Variants in G6PD observed in about 807,000 individuals in gnomAD.
The protein encoded by G6PD is glucose-6-phosphate 1-dehydrogenase.
Under a neutral mutation model 38.2 loss-of-function variants are expected in G6PD, and 2 were observed. The ratio of observed to expected loss-of-function variants is 0.05; its 90% confidence interval spans 0.02 to 0.16. The LOEUF (loss-of-function observed/expected upper bound fraction) is 0.16, where lower values mean the gene tolerates loss of function less well. Among genes scored for constraint, G6PD ranks in the 10% least tolerant of loss-of-function variants. G6PD has a pLI of 1.00. For missense variants in G6PD, 310 were observed against 471.6 expected (o/e 0.66, Z 3.17); for synonymous variants, 188 against 196.0 (o/e 0.96, Z 0.34).
intron 2 of G6PD, among the ~76,000 whole-genome samples, chrX:154,541,931 C>A (rs1161398477): frequency 8.9e-6 from 1 of 112,325 alleles, no homozygotes; most frequent in Non-Finnish European, 1.9e-5. Context: ...CCAAGGGTCA[C>A]TGGGGTTAAG....
chrX:154,539,032 C>T (rs1393362561), intron 2 of G6PD, among the ~76,000 whole-genome samples: 1 of 111,713 alleles, frequency 9.0e-6, no homozygotes, highest in Non-Finnish European at 1.9e-5. Flanking sequence ...TTAATCATCC[C>T]TTTAAGCAAT....
chrX:154,533,716 C>T (rs1557230096), intron 7 of G6PD, 47 bp from the exon 8 acceptor site: 2 of 1,207,159 alleles, frequency 1.7e-6, no homozygotes, highest in Non-Finnish European at 2.2e-6. Context: ...CCGCCCTGTT[C>T]ACCTGGTTCA....
chrX:154,546,994 G>C (rs1360852860), upstream of G6PD: 1 of 240,892 alleles, frequency 4.2e-6, no homozygotes, highest in Non-Finnish European at 6.9e-6. Context: ...AGGTGCGCGC[G>C]CATCCCAGGC....
At chrX:154,533,984 C>T (rs1557230175) in intron 7 of G6PD, 51 bp downstream of exon 7, 1 of 1,210,353 alleles carries the variant, frequency 8.3e-7, no homozygotes, top group South Asian at 1.8e-5. Flanking sequence ...TGCAGGGTGA[C>T]TGGCTCTGCC....
At position 154,533,012 on chromosome X, in the gene G6PD, C is replaced by T. The variant is rs782593777; in HGVS notation, c.981G>A (p.Thr327=). ...TGGCGGTGGTGGACCCGCGGGGCACCGTGGGGTCGTCCAGGTACCCTTTGG... is the reference window on the plus strand; with the variant it reads ...TGGCGGTGGTGGACCCGCGGGGCACTGTGGGGTCGTCCAGGTACCCTTTGG... ...EATKGYLDDP[T]VPRGSTTATF... is the part of the protein sequence containing the mutation. The change falls in exon 9 of 13, where the codon ACG becomes ACA. Residue 327 remains threonine (T), a synonymous_variant. Coordinates refer to ENST00000393562, the MANE Select transcript of G6PD (RefSeq NM_001360016.2). 5 of 1,212,081 alleles carry T rather than the reference C, an allele frequency of 4.1e-6. No individual in the cohort carries two copies. The highest frequency in any genetic ancestry group is 5.6e-6 in the Non-Finnish European group (5 of 895,537).
intron 2 of G6PD, among the ~76,000 whole-genome samples, chrX:154,543,871 T>TA (rs1462213145): frequency 4.9e-5 from 5 of 101,754 alleles, no homozygotes; most frequent in African/African-American, 1.8e-4. Flanking sequence ...TTTTTGTTAT[T>TA]TTTTTTTTTT....
upstream of G6PD, chrX:154,546,852 C>A: frequency 8.9e-7 from 1 of 1,126,646 alleles, no homozygotes; most frequent in Non-Finnish European, 1.2e-6. Flanking sequence ...TTTCCGGGGG[C>A]TGAGCCCCGC....
chrX:154,545,992 A>G (rs782415403), intron 2 of G6PD, 44 bp downstream of exon 2: 1 of 1,203,690 alleles, frequency 8.3e-7, no homozygotes, highest in African/African-American at 1.8e-5. Context: ...GGCATGGAGC[A>G]GGCACTTCCT....
rs181277621 is a variant in G6PD at position 154,535,342 on chromosome X, C to T, written c.311G>A (p.Arg104His). ...GTACTGGCCAGCCACATAGGAGTTG[C>T]GGGCAAAGAAGTCCTCCAGCTTGAG... ...EKLKLEDFFA[R>H]NSYVAGQYDD... Residue 104 changes from arginine (R) to histidine (H), a missense_variant, in exon 5 of 13, where the codon CGC becomes CAC. Arg to His is a conservative substitution (Grantham distance 29). This residue lies in a region of G6PD where 96 missense variants were observed against 93.3 expected (regional missense o/e 1.03). Coordinates refer to ENST00000393562, the MANE Select transcript of G6PD (RefSeq NM_001360016.2). 6.1e-4 allele frequency: 738 copies of T among 1,210,402 alleles called. 4 individuals carry two copies. Among genetic ancestry groups the T allele is most frequent in the Non-Finnish European group, 2.0e-4 (175 of 895,120 alleles).
intron 2 of G6PD, among the ~76,000 whole-genome samples, chrX:154,539,375 G>C (rs1451991887): frequency 2.7e-5 from 3 of 112,442 alleles, no homozygotes; most frequent in Non-Finnish European, 5.6e-5. Context: ...ACAGAAATCA[G>C]ATCAGCGGTT....
chrX:154,534,298 C>T (rs1239029899), intron 6 of G6PD, 40 bp downstream of exon 6: 1 of 1,204,550 alleles, frequency 8.3e-7, no homozygotes, highest in African/African-American at 1.8e-5. Flanking sequence ...CTCCTGAGTA[C>T]CACCCCCACC....
intron 2 of G6PD, 146 bp downstream of exon 2, chrX:154,545,890 C>A: frequency 1.4e-6 from 1 of 718,261 alleles, no homozygotes; most frequent in Middle Eastern, 4.2e-4. Flanking sequence ...CAGGTAGAGC[C>A]GGGATGATCC....
chrX:154,540,084 G>GT lies in G6PD; in HGVS notation c.121-3907dup, dbSNP rs1366502464. 8.2e-5 allele frequency among the ~76,000 whole-genome samples: 9 copies of GT among 109,605 alleles called. No individual in the cohort carries two copies. In the South Asian group the frequency reaches 3.3e-3, roughly 40 times the overall value. The stretch of plus-strand genomic sequence containing the variant: ...AGTCTGGGCGTGGTGGCTCATGCCT[G>GT]TAACCCCAGCACTTTGGGAGGCTGA... On this transcript the variant is annotated intron_variant, in intron 2 of 12. Transcript: ENST00000393562.
intron 6 of G6PD, 66 bp downstream of exon 6, chrX:154,534,272 A>G (rs1167306616): frequency 8.3e-7 from 1 of 1,201,628 alleles, no homozygotes; most frequent in Non-Finnish European, 1.1e-6. Context: ...TCGGGGAGGC[A>G]GTGGGCCAGG....
intron 2 of G6PD, among the ~76,000 whole-genome samples, chrX:154,544,721 C>T (rs782270910): frequency 8.9e-6 from 1 of 112,079 alleles, no homozygotes; most frequent in African/African-American, 3.2e-5. Context: ...AATGGCCCCT[C>T]CTTACTCTGC....
At chrX:154,533,222 G>T in intron 8 of G6PD, 94 bp from the exon 9 acceptor site, 1 of 1,018,704 alleles carries the variant, frequency 9.8e-7, no homozygotes. Context: ...CTCAGGGCAG[G>T]AGGAGGCCCC....
upstream of G6PD, chrX:154,547,026 C>T (rs1426145176): frequency 9.9e-6 from 2 of 202,352 alleles, no homozygotes; most frequent in Non-Finnish European, 1.8e-5. Context: ...TCTCGGGCAC[C>T]TGCGCTGGAG....
intron 8 of G6PD, chrX:154,533,334 G>C: frequency 2.0e-6 from 1 of 503,098 alleles, no homozygotes; most frequent in Non-Finnish European, 3.3e-6. Flanking sequence ...TGATGAACAA[G>C]CTGAGGCCCA....
chrX:154,547,560 T>C (rs1557233944), upstream of G6PD: 4 of 753,777 alleles, frequency 5.3e-6, no homozygotes, highest in Non-Finnish European at 6.3e-6. Context: ...CTCGCCGGCT[T>C]CCCGAGTTCT....
Sources: gnomAD v4.1 joint callset for allele counts (sites outside exome capture counted in the v4.1 genomes callset) on GRCh38, gnomAD v4.1.1 for gene constraint, gnomAD v4.1.1 regional missense constraint, MANE v1.5 for transcripts, NCBI Gene and HGNC (gene_info 2026-07-23, HGNC 2026-07-21) for gene names.